Variants in SPTBN1 observed in about 807,000 individuals in gnomAD.
The protein encoded by SPTBN1 is spectrin beta, non-erythrocytic 1.
In SPTBN1, 32 loss-of-function variants were observed where a neutral mutation model predicts 266.4. The observed-to-expected ratio is 0.12, with a 90% CI of 0.09 to 0.16. The LOEUF is 0.16. Ranked by LOEUF, SPTBN1 falls within the 10% of genes least tolerant of loss-of-function variation. The probability of loss-of-function intolerance (pLI) is 1.00; values close to 1 mark genes in which losing one functional copy is unlikely to be tolerated. For synonymous variants in SPTBN1, 1,336 were observed against 1,162.2 expected (o/e 1.15, Z -3.04); for missense variants, 2,296 against 3,067.1 (o/e 0.75, Z 5.94).
At chr2:54,546,186 T>C (rs181581188) in intron 2 of SPTBN1, among the ~76,000 whole-genome samples, 27 of 152,282 alleles carry the variant, frequency 1.8e-4, no homozygotes, top group Admixed American at 1.4e-3. Context: ...CAAGGACAAT[T>C]TTTTGATCAG....
chr2:54,594,833 C>CTTTTTTTTTTTTTTTTTTTTTTTTT lies in SPTBN1; in HGVS notation c.149-4241_149-4240insTTTTTTTTTTTTTTTTTTTTTTTTT, dbSNP rs71408777. Among the ~76,000 whole-genome samples, 17 of 104,676 alleles carry CTTTTTTTTTTTTTTTTTTTTTTTTT rather than the reference C, an allele frequency of 1.6e-4. 3 individuals are homozygous for CTTTTTTTTTTTTTTTTTTTTTTTTT. The highest frequency in any genetic ancestry group is 8.1e-4 in the African/African-American group (16 of 19,770). The allele number at this position is 104,676 out of a possible 152,430, so 68.7% of individuals were successfully genotyped here. A position where few individuals can be genotyped will look rare whatever the true frequency, so the allele number is the denominator to read the frequency against. ...GATTCCATGACCCTCTGGTAAGTTT[C>CTTTTTTTTTTTTTTTTTTTTTTTTT]TTTTTTTTTTTTTTTTTTGAGACAG... On this transcript the variant is annotated intron_variant, in intron 2 of 35. Transcript: ENST00000356805.
intron 17 of SPTBN1, among the ~76,000 whole-genome samples, chr2:54,636,053 A>C (rs1274168430): frequency 4.6e-5 from 7 of 152,236 alleles, no homozygotes; most frequent in Admixed American, 3.3e-4. Context: ...GACATTTTCA[A>C]GGGGAAAACT....
At chr2:54,589,108 G>A (rs1199571820) in intron 2 of SPTBN1, among the ~76,000 whole-genome samples, 1 of 152,078 alleles carries the variant, frequency 6.6e-6, no homozygotes, top group Non-Finnish European at 1.5e-5. Flanking sequence ...ATCTTTAAAT[G>A]TACAATTAAC....
Position 54,536,601 on chromosome 2 carries a change from G to A in SPTBN1, c.148+10035G>A, listed in dbSNP as rs145948020. On this transcript the variant is annotated intron_variant, in intron 2 of 35. Coordinates refer to ENST00000356805, the MANE Select transcript of SPTBN1 (RefSeq NM_003128.3). Reference sequence around the variant, plus strand: ...AGGTGACAGCAGAGCTAAATATTTGGTCTATGTCTAATGATTGACTTCTGA... The same window carrying A: ...AGGTGACAGCAGAGCTAAATATTTGATCTATGTCTAATGATTGACTTCTGA... Among the ~76,000 whole-genome samples, 866 of 152,206 alleles carry A rather than the reference G, an allele frequency of 5.7e-3. 10 individuals are homozygous for A. Among genetic ancestry groups the A allele is most frequent in the African/African-American group, 0.02 (811 of 41,510 alleles).
At chr2:54,538,733 T>C (rs1157713690) in intron 2 of SPTBN1, among the ~76,000 whole-genome samples, 6 of 152,200 alleles carry the variant, frequency 3.9e-5, no homozygotes, top group African/African-American at 1.4e-4. Flanking sequence ...GTGAGGCTGA[T>C]AAGAATTTTG....
At position 54,558,402 on chromosome 2, in the gene SPTBN1, C is replaced by A; in HGVS notation, c.148+31836C>A. 2.0e-6 allele frequency: 2 copies of A among 1,014,232 alleles called. No individual in the cohort carries two copies. The highest frequency in any genetic ancestry group is 2.4e-6 in the Non-Finnish European group (2 of 848,688). The allele number at this position is 1,014,232 out of a possible 1,614,324, so 62.8% of individuals were successfully genotyped here. ...GCGGGCAGCTGGGAGGAGGTGTGCG[C>A]GCTGCGCCCGCGAGCTCCCGGGCTC... is the stretch of plus-strand genomic sequence containing the variant. On this transcript the variant is annotated intron_variant, in intron 2 of 35. Transcript: ENST00000356805. This position sits in a 1 kb window ranked among gnomAD's most constrained non-coding sequence, Gnocchi z 4.6.
chr2:54,649,041 G>C lies in SPTBN1; in HGVS notation c.5053G>C (p.Asp1685His). The C allele has an allele frequency of 6.2e-7, 1 of 1,614,210 alleles. No homozygotes were observed. The highest frequency in any genetic ancestry group is 8.5e-7 in the Non-Finnish European group (1 of 1,180,024). Residue 1685 changes from aspartate (D) to histidine (H), a missense_variant, in exon 25 of 36, where the codon GAC becomes CAC. Asp to His is a moderately conservative substitution (Grantham distance 81). Transcript: ENST00000356805. This position sits in a 1 kb window ranked among gnomAD's most constrained non-coding sequence, Gnocchi z 6.7. ...GGATAAACTGTACGCTGGTCTGAAA[G>C]ACCTTGCTGAAGAGAGAAGAGGCAA... ...KVDKLYAGLK[D>H]LAEERRGKLD...
At chr2:54,510,529 A>G (rs1320740544) in intron 1 of SPTBN1, among the ~76,000 whole-genome samples, 1 of 152,200 alleles carries the variant, frequency 6.6e-6, no homozygotes, top group African/African-American at 2.4e-5. Flanking sequence ...AAATGTTCCA[A>G]ATTGCCCTGA....
At chr2:54,520,773 T>C (rs374670246) in intron 1 of SPTBN1, among the ~76,000 whole-genome samples, 1 of 150,680 alleles carries the variant, frequency 6.6e-6, no homozygotes, top group African/African-American at 2.4e-5. Flanking sequence ...ACACGCAGGG[T>C]ATTACTGTTT....
At chr2:54,606,147 A>G (rs1676826796) in intron 3 of SPTBN1, among the ~76,000 whole-genome samples, 1 of 152,226 alleles carries the variant, frequency 6.6e-6, no homozygotes, top group Admixed American at 6.5e-5. Context: ...ATTCATTTGA[A>G]TGTAAGTCAG....
intron 2 of SPTBN1, among the ~76,000 whole-genome samples, chr2:54,560,090 CTT>C (rs1004563094): frequency 1.4e-5 from 2 of 147,660 alleles, no homozygotes; most frequent in Admixed American, 6.9e-5. Flanking sequence ...TTCTGTGTCT[CTT>C]TGGTTCATTT....
chr2:54,461,276 A>C (rs1693354736), intron 1 of SPTBN1, among the ~76,000 whole-genome samples: 1 of 152,172 alleles, frequency 6.6e-6, no homozygotes, highest in African/African-American at 2.4e-5. Context: ...TATCCATTTC[A>C]TGGCTGTATT....
chr2:54,516,584 T>C (rs1453278563), intron 1 of SPTBN1, among the ~76,000 whole-genome samples: 4 of 152,184 alleles, frequency 2.6e-5, no homozygotes, highest in Non-Finnish European at 5.9e-5. Flanking sequence ...TCAAATATGG[T>C]AGTAATCCCA....
In SPTBN1 at chr2:54,670,810, G is replaced by A. The variant is rs1681659061; in HGVS notation, c.*2241G>A. On this transcript the variant is annotated 3_prime_UTR_variant, in exon 36 of 36. Coordinates refer to ENST00000356805, the MANE Select transcript of SPTBN1 (RefSeq NM_003128.3). ...GCTCTCTCTTGGTGCATTTGATAAG[G>A]ATCCACTGAGGCCTGAATGTGGAAG... is the stretch of plus-strand genomic sequence containing the variant. 1 of 398,572 alleles carries A rather than the reference G, an allele frequency of 2.5e-6. No homozygotes were observed. The highest frequency in any genetic ancestry group is 4.4e-5 in the Admixed American group (1 of 22,728). 24.7% of individuals were successfully genotyped at this position (398,572 alleles called of 1,614,324 possible).
At chr2:54,658,842 T>C (rs918029297) in intron 30 of SPTBN1, among the ~76,000 whole-genome samples, 1 of 152,220 alleles carries the variant, frequency 6.6e-6, no homozygotes, top group Non-Finnish European at 1.5e-5. Context: ...ACCCTCAGGC[T>C]CAGGTACTTT....
At chr2:54,471,875 T>C (rs113592717) in intron 1 of SPTBN1, among the ~76,000 whole-genome samples, 11 of 147,892 alleles carry the variant, frequency 7.4e-5, no homozygotes, top group Non-Finnish European at 1.3e-4. Context: ...TATAATTCTC[T>C]GTAACATCTT....
chr2:54,516,472 A>C (rs1177821070), intron 1 of SPTBN1: 2 of 152,192 alleles, frequency 1.3e-5, no homozygotes, highest in Non-Finnish European at 2.9e-5. Context: ...TGATAAAAGC[A>C]TCATAGCTGT....
intron 3 of SPTBN1, among the ~76,000 whole-genome samples, chr2:54,600,602 A>G (rs1558415413): frequency 1.3e-5 from 2 of 152,188 alleles, no homozygotes; most frequent in Admixed American, 6.5e-5. Flanking sequence ...AGCCTAGACT[A>G]GAATTATTGT....
In SPTBN1 at chr2:54,628,968, C is replaced by T. The variant is rs370833054; in HGVS notation, c.1834C>T (p.Arg612Cys). The change falls in exon 14 of 36, where the codon CGC becomes TGC. Residue 612 changes from arginine to cysteine, a missense_variant. Around this residue, in one of 12 missense-constraint regions of SPTBN1, gnomAD observed 434 missense variants for 573.9 expected, o/e 0.76. Transcript: ENST00000356805. The surrounding 1 kb of genome is among the most constrained non-coding windows in gnomAD (Gnocchi z 4.3). ...KPCDPQVIRD[R>C]VAHMEFCYQE... The stretch of plus-strand genomic sequence containing the variant: ...CTGTGACCCCCAGGTGATCCGAGAC[C>T]GCGTGGCCCACATGGAGTTCTGTTA... 17 of 1,611,740 alleles carry T rather than the reference C, an allele frequency of 1.1e-5. No individual in the cohort carries two copies. Among genetic ancestry groups the T allele is most frequent in the African/African-American group, 1.3e-5 (1 of 74,878 alleles).
Sources: gnomAD v4.1 joint callset for allele counts (sites outside exome capture counted in the v4.1 genomes callset) on GRCh38, gnomAD v4.1.1 for gene constraint, gnomAD v4.1.1 regional missense constraint, Gnocchi (gnomAD v3.1) non-coding constraint, MANE v1.5 for transcripts, NCBI Gene and HGNC (gene_info 2026-07-23, HGNC 2026-07-21) for gene names.